Variants in LHFPL6 observed in about 807,000 individuals in gnomAD.
LHFPL6 encodes the protein LHFPL tetraspan subfamily member 6.
Under a neutral mutation model 20.6 loss-of-function variants are expected in LHFPL6, and 9 were observed. The observed-to-expected ratio is 0.44, with a 90% confidence interval of 0.26 to 0.76. LHFPL6 has a LOEUF of 0.76. Ranked by LOEUF, LHFPL6 falls within the 30% of genes least tolerant of loss-of-function variation. The pLI, the probability that LHFPL6 is intolerant of heterozygous loss-of-function variation, is 0.20. For synonymous variants in LHFPL6, 105 were observed against 98.7 expected (o/e 1.06, Z -0.38); for missense variants, 218 against 253.5 (o/e 0.86, Z 0.95).
intron 2 of LHFPL6, among the ~76,000 whole-genome samples, chr13:39,552,777 C>T (rs192454490): frequency 6.6e-6 from 1 of 152,188 alleles, no homozygotes; most frequent in African/African-American, 2.4e-5. Flanking sequence ...GGTCTCCACC[C>T]AAAGACAATG....
intron 2 of LHFPL6, among the ~76,000 whole-genome samples, chr13:39,408,124 A>G (rs1871160801): frequency 6.6e-6 from 1 of 152,240 alleles, no homozygotes; most frequent in Non-Finnish European, 1.5e-5. Context: ...ATAAGTAAAT[A>G]CAACATATAT....
At chr13:39,560,708 G>T (rs1871450894) in intron 2 of LHFPL6, among the ~76,000 whole-genome samples, 1 of 151,618 alleles carries the variant, frequency 6.6e-6, no homozygotes, top group Admixed American at 6.6e-5. Context: ...TAGTAGAGAC[G>T]GTTTCACCGT....
chr13:39,477,133 A>G (rs1209669768), intron 2 of LHFPL6, among the ~76,000 whole-genome samples: 2 of 151,782 alleles, frequency 1.3e-5, no homozygotes, highest in East Asian at 3.9e-4. Flanking sequence ...CCCCATCTCT[A>G]GTGACTTTAC....
At chr13:39,492,213 T>A (rs1038987981) in intron 2 of LHFPL6, among the ~76,000 whole-genome samples, 5 of 152,224 alleles carry the variant, frequency 3.3e-5, no homozygotes, top group African/African-American at 4.8e-5. Context: ...AATCTGTTTG[T>A]AGGTGAAGAT....
chr13:39,478,482 T>C (rs1873138552), intron 2 of LHFPL6, among the ~76,000 whole-genome samples: 1 of 152,184 alleles, frequency 6.6e-6, no homozygotes, highest in Non-Finnish European at 1.5e-5. Flanking sequence ...CTCTCTTAAA[T>C]CTAGCTCCAT....
At chr13:39,546,164 A>G (rs556580292) in intron 2 of LHFPL6, among the ~76,000 whole-genome samples, 11 of 152,236 alleles carry the variant, frequency 7.2e-5, no homozygotes, top group African/African-American at 2.7e-4. Flanking sequence ...CTATTAGACT[A>G]TGAAATCTCA....
chr13:39,420,102 A>C (rs1871442876), intron 2 of LHFPL6, among the ~76,000 whole-genome samples: 3 of 152,266 alleles, frequency 2.0e-5, no homozygotes, highest in Admixed American at 1.3e-4. Flanking sequence ...GCCTCCTTCA[A>C]ATCAGGCTAT....
intron 2 of LHFPL6, among the ~76,000 whole-genome samples, chr13:39,451,471 A>G (rs1270008130): frequency 4.6e-5 from 7 of 152,110 alleles, no homozygotes; most frequent in Non-Finnish European, 5.9e-5. Flanking sequence ...CCTGTAGCCA[A>G]CCTATTACAT....
chr13:39,449,154 G>A (rs1280532777), intron 2 of LHFPL6, among the ~76,000 whole-genome samples: 2 of 152,182 alleles, frequency 1.3e-5, no homozygotes, highest in Admixed American at 6.5e-5. Context: ...AGATACAGAC[G>A]TCCACATCAA....
At chr13:39,384,276 C>T (rs1356836691) in intron 2 of LHFPL6, among the ~76,000 whole-genome samples, 1 of 152,136 alleles carries the variant, frequency 6.6e-6, no homozygotes, top group African/African-American at 2.4e-5. Flanking sequence ...TTTAAGCATG[C>T]CTGTGGTATG....
At position 39,343,749 on chromosome 13, in the gene LHFPL6, T is replaced by C; in HGVS notation, c.*187A>G. ...CTCCATCATTCTATACTCTCCTTTT[T>C]TTTCCCCCACAAATCTCCTACAATC... On this transcript the variant is annotated 3_prime_UTR_variant, in exon 4 of 4. Coordinates refer to ENST00000379589, the MANE Select transcript of LHFPL6 (RefSeq NM_005780.3). 2 of 564,764 alleles carry C rather than the reference T, an allele frequency of 3.5e-6. No individual in the cohort carries two copies. Among genetic ancestry groups the C allele is most frequent in the Admixed American group, 3.1e-5 (1 of 32,392 alleles). 35.0% of individuals were successfully genotyped at this position (564,764 alleles called of 1,614,324 possible).
chr13:39,563,395 T>C (rs1043621785), intron 2 of LHFPL6, among the ~76,000 whole-genome samples: 1 of 152,158 alleles, frequency 6.6e-6, no homozygotes, highest in South Asian at 2.1e-4. Flanking sequence ...AATAGAGAGA[T>C]ACATCTTGTG....
intron 2 of LHFPL6, among the ~76,000 whole-genome samples, chr13:39,393,664 G>A (rs1035144384): frequency 6.6e-6 from 1 of 152,164 alleles, no homozygotes. Context: ...TGGCCTTTAC[G>A]TAGTAGCCAA....
At chr13:39,366,823 A>T (rs1165070805) in intron 3 of LHFPL6, among the ~76,000 whole-genome samples, 1 of 152,188 alleles carries the variant, frequency 6.6e-6, no homozygotes, top group African/African-American at 2.4e-5. Flanking sequence ...GAGGAACCCA[A>T]ACTAAGGGAA....
At chr13:39,371,840 G>A (rs2138354336) in intron 3 of LHFPL6, among the ~76,000 whole-genome samples, 1 of 152,318 alleles carries the variant, frequency 6.6e-6, no homozygotes, top group East Asian at 1.9e-4. Context: ...GCGGACACAT[G>A]ACAAAGCTGG....
intron 2 of LHFPL6, among the ~76,000 whole-genome samples, chr13:39,464,353 G>C (rs1032108436): frequency 8.5e-5 from 13 of 152,110 alleles, no homozygotes; most frequent in African/African-American, 2.9e-4. Context: ...AACAGCAAAG[G>C]ATAATCATTT....
chr13:39,588,429 T>C (rs1316411877), intron 2 of LHFPL6, among the ~76,000 whole-genome samples: 1 of 152,256 alleles, frequency 6.6e-6, no homozygotes, highest in Non-Finnish European at 1.5e-5. Flanking sequence ...AAAGAGATGT[T>C]AATGCATATT....
At chr13:39,387,183 T>C (rs1464012263) in intron 2 of LHFPL6, among the ~76,000 whole-genome samples, 1 of 152,164 alleles carries the variant, frequency 6.6e-6, no homozygotes, top group Non-Finnish European at 1.5e-5. Context: ...TATTATTTAG[T>C]ACTTTAAAAT....
At chr13:39,574,211 G>A (rs1043365197) in intron 2 of LHFPL6, among the ~76,000 whole-genome samples, 20 of 152,276 alleles carry the variant, frequency 1.3e-4, no homozygotes, top group African/African-American at 2.6e-4. Context: ...GGCCGGGCGC[G>A]GTGGCTCACG....
Sources: allele counts gnomAD v4.1 joint callset (sites outside exome capture counted in the v4.1 genomes callset), GRCh38; gene constraint gnomAD v4.1.1; transcripts MANE v1.5; gene names NCBI Gene and HGNC (gene_info 2026-07-23, HGNC 2026-07-21).